Variants in ROCK1 observed in about 807,000 individuals in gnomAD.
ROCK1 encodes Rho associated coiled-coil containing protein kinase 1, also known as rho-associated protein kinase 1.
Under a neutral mutation model 196.8 loss-of-function variants are expected in ROCK1, and 36 were observed. The observed-to-expected ratio is 0.18, with a 90% confidence interval of 0.14 to 0.24. The LOEUF (loss-of-function observed/expected upper bound fraction) is 0.24, where lower values mean the gene tolerates loss of function less well. ROCK1 is among the 10% of genes least tolerant of loss of function. The pLI is 1.00. For synonymous variants in ROCK1, 443 were observed against 515.9 expected, an observed-to-expected ratio of 0.86 and a Z score of 1.91; for missense variants, 920 against 1,562.0, an observed-to-expected ratio of 0.59 and a Z score of 6.93.
chr18:21,007,700 C>T (rs890705038), intron 14 of ROCK1, among the ~76,000 whole-genome samples: 6 of 152,002 alleles, frequency 3.9e-5, no homozygotes, highest in African/African-American at 1.4e-4. Context: ...GTTAGAAGTA[C>T]CTAGGGGGCT....
chr18:21,016,860 A>T (rs2035866746), intron 12 of ROCK1, among the ~76,000 whole-genome samples: 1 of 152,154 alleles, frequency 6.6e-6, no homozygotes, highest in East Asian at 1.9e-4. Context: ...ATTACACTTA[A>T]ATTCCAAATT....
chr18:21,059,758 T>G (rs1226246828), intron 2 of ROCK1, among the ~76,000 whole-genome samples: 11 of 152,210 alleles, frequency 7.2e-5, no homozygotes, highest in Non-Finnish European at 1.6e-4. Context: ...AGCAGCATTA[T>G]TCATAAAAGC....
intron 10 of ROCK1, among the ~76,000 whole-genome samples, chr18:21,027,479 C>T (rs994283414): frequency 5.3e-5 from 8 of 152,140 alleles, no homozygotes; most frequent in Non-Finnish European, 1.2e-4. Context: ...TAGAGTAAAG[C>T]TAACATGAAC....
intron 10 of ROCK1, among the ~76,000 whole-genome samples, chr18:21,025,582 C>T (rs1226934069): frequency 6.6e-6 from 1 of 152,062 alleles, no homozygotes; most frequent in African/African-American, 2.4e-5. Context: ...AATAAAAATA[C>T]AAAGATTAGC....
Position 21,070,596 on chromosome 18 carries a change from C to T in ROCK1, c.111G>A (p.Leu37=). The part of the protein sequence containing the change: ...SDCLLDGLDA[L]VYDLDFPALR... ...AGGCAGGAAAATCCAAATCATATACCAAAGCATCCAATCCATCCTAAAGAA... is the reference window on the plus strand; with the variant it reads ...AGGCAGGAAAATCCAAATCATATACTAAAGCATCCAATCCATCCTAAAGAA... Residue 37 remains leucine, a synonymous_variant, in exon 2 of 33, where the codon TTG becomes TTA. Coordinates refer to ENST00000399799, the MANE Select transcript of ROCK1 (RefSeq NM_005406.3). 2 of 1,605,560 alleles carry T rather than the reference C, an allele frequency of 1.2e-6. No individual in the cohort carries two copies. Among genetic ancestry groups the T allele is most frequent in the Admixed American group, 1.7e-5 (1 of 59,304 alleles).
chr18:21,058,824 C>T (rs1234357016), intron 2 of ROCK1, among the ~76,000 whole-genome samples: 1 of 152,156 alleles, frequency 6.6e-6, no homozygotes, highest in Admixed American at 6.5e-5. Flanking sequence ...AGTGATCTAC[C>T]TGCCTCGGCC....
intron 9 of ROCK1, among the ~76,000 whole-genome samples, chr18:21,032,089 A>G (rs983110815): frequency 6.6e-6 from 1 of 152,294 alleles, no homozygotes; most frequent in African/African-American, 2.4e-5. Flanking sequence ...AAATCTGGTA[A>G]AAGATATAAA....
intron 1 of ROCK1, among the ~76,000 whole-genome samples, chr18:21,088,515 A>G (rs1342173419): frequency 6.6e-6 from 1 of 152,232 alleles, no homozygotes; most frequent in Non-Finnish European, 1.5e-5. Context: ...AAATTTTTTA[A>G]GAAAAGAAAA....
intron 20 of ROCK1, among the ~76,000 whole-genome samples, chr18:20,983,596 C>T (rs2035552556): frequency 6.6e-6 from 1 of 151,964 alleles, no homozygotes; most frequent in African/African-American, 2.4e-5. Context: ...CTCAGTATCT[C>T]AAAAGGCATG....
chr18:21,077,287 G>C (rs1486807343), intron 1 of ROCK1, among the ~76,000 whole-genome samples: 2 of 152,148 alleles, frequency 1.3e-5, no homozygotes, highest in Non-Finnish European at 2.9e-5. Context: ...ACAGTCTTAA[G>C]TCTTGAGCAG....
intron 22 of ROCK1, among the ~76,000 whole-genome samples, chr18:20,971,345 T>TAC (rs368486910): frequency 3.4e-5 from 5 of 147,544 alleles, no homozygotes; most frequent in South Asian, 2.1e-4. Context: ...CACACACACA[T>TAC]ACACACAGAA....
In ROCK1 at chr18:20,968,843, C is replaced by G. The variant is rs1568370268; in HGVS notation, c.2932G>C (p.Glu978Gln). 6.3e-7 allele frequency: 1 copy of G among 1,599,768 alleles called. No individual in the cohort carries two copies. ...KAEEEYKLEK[E>Q]EEISNLKAAF... ...GCCTTAAGATTACTGATCTCCTCCTCCTTCTCCAGTTTATATTCTGTCAAC... is the reference window on the plus strand; with the variant it reads ...GCCTTAAGATTACTGATCTCCTCCTGCTTCTCCAGTTTATATTCTGTCAAC... The change falls in exon 25 of 33, where the codon GAG becomes CAG. Residue 978 changes from glutamate (E) to glutamine (Q), a missense_variant. Transcript: ENST00000399799.
intron 1 of ROCK1, among the ~76,000 whole-genome samples, chr18:21,084,069 C>G (rs1333543590): frequency 6.6e-6 from 1 of 152,092 alleles, no homozygotes; most frequent in Admixed American, 6.6e-5. Flanking sequence ...AACTGCATAT[C>G]CACATGCAAG....
At position 21,023,634 on chromosome 18, in the gene ROCK1, C is replaced by T. The variant is rs750276864; in HGVS notation, c.1258G>A (p.Ala420Thr). 3.7e-5 allele frequency: 58 copies of T among 1,562,944 alleles called. No homozygotes were observed. The highest frequency in any genetic ancestry group is 1.7e-4 in the Middle Eastern group (1 of 5,896). ...AAAATACCTACCAAGCTTTTATCTG[C>T]ATTGGAGCTAGTTCTGTTATCATTA... ...NPNDNRTSSNADKSLQESLQK... is the reference protein window; with the variant it reads ...NPNDNRTSSNTDKSLQESLQK... The change falls in exon 11 of 33, where the codon GCA becomes ACA. Residue 420 changes from alanine (A) to threonine (T), a missense_variant. Coordinates refer to ENST00000399799, the MANE Select transcript of ROCK1 (RefSeq NM_005406.3).
intron 1 of ROCK1, among the ~76,000 whole-genome samples, chr18:21,091,137 G>A (rs8085504): frequency 0.13 from 19,080 of 151,018 alleles, 2,187 homozygotes; most frequent in African/African-American, 0.3. Context: ...TGCCACCCCT[G>A]ATACAAAGAC....
chr18:20,989,254 A>G (rs1302839883), intron 18 of ROCK1, among the ~76,000 whole-genome samples: 1 of 152,224 alleles, frequency 6.6e-6, no homozygotes, highest in African/African-American at 2.4e-5. Context: ...GGCACTTTAC[A>G]TGCATTTTTC....
chr18:21,012,888 C>T (rs796760792), intron 13 of ROCK1, among the ~76,000 whole-genome samples: 81 of 152,252 alleles, frequency 5.3e-4, no homozygotes, highest in African/African-American at 1.9e-3. Flanking sequence ...GTCTCTGATT[C>T]GCTCCTCTGC....
intron 16 of ROCK1, among the ~76,000 whole-genome samples, chr18:21,003,046 TTA>T (rs2143431061): frequency 1.3e-5 from 2 of 152,270 alleles, no homozygotes; most frequent in South Asian, 4.1e-4. Flanking sequence ...AGCCCAGATT[TTA>T]TGTTTATGTG....
intron 22 of ROCK1, among the ~76,000 whole-genome samples, chr18:20,974,779 G>A (rs2035464135): frequency 6.6e-6 from 1 of 152,018 alleles, no homozygotes; most frequent in African/African-American, 2.4e-5. Context: ...AAATTCTCTG[G>A]CCCATAGAAT....
Sources: allele counts gnomAD v4.1 joint callset (sites outside exome capture counted in the v4.1 genomes callset), GRCh38; gene constraint gnomAD v4.1.1; transcripts MANE v1.5; gene names NCBI Gene and HGNC (gene_info 2026-07-23, HGNC 2026-07-21).